RC3H1: variants seen among roughly 807,000 people sequenced by gnomAD.
The protein encoded by RC3H1 is roquin-1.
In RC3H1, 50 loss-of-function variants were observed where a neutral mutation model predicts 138.2. The ratio of observed to expected loss-of-function variants is 0.36; its 90% CI spans 0.29 to 0.46. The LOEUF (loss-of-function observed/expected upper bound fraction) is 0.46. Ranked by LOEUF, RC3H1 falls within the 20% of genes least tolerant of loss-of-function variation. RC3H1 has a pLI of 1.00. For synonymous variants in RC3H1, 462 were observed against 489.1 expected (o/e 0.94, Z 0.73); for missense variants, 1,031 against 1,388.1 (o/e 0.74, Z 4.09).
intron 1 of RC3H1, among the ~76,000 whole-genome samples, chr1:174,006,596 C>T (rs1157402525): frequency 2.0e-5 from 3 of 152,126 alleles, no homozygotes; most frequent in Non-Finnish European, 4.4e-5. Context: ...TTTTATTATA[C>T]TTTTTAATAA....
At chr1:173,959,296 T>C (rs968240709) in intron 13 of RC3H1, among the ~76,000 whole-genome samples, 2 of 152,204 alleles carry the variant, frequency 1.3e-5, no homozygotes, top group Non-Finnish European at 2.9e-5. Context: ...TTAATTTCTC[T>C]ATATTAATAA....
At chr1:174,003,382 C>G (rs1661594013) in intron 1 of RC3H1, among the ~76,000 whole-genome samples, 1 of 129,526 alleles carries the variant, frequency 7.7e-6, no homozygotes, top group Admixed American at 7.5e-5. Context: ...AGCAAGACTC[C>G]TATCACACAC....
At chr1:173,978,779 A>G (rs963318913) in intron 6 of RC3H1, among the ~76,000 whole-genome samples, 159 bp from the exon 7 acceptor site, 2 of 152,158 alleles carry the variant, frequency 1.3e-5, no homozygotes, top group Non-Finnish European at 2.9e-5. Flanking sequence ...TACCCAAATA[A>G]ATTCTGTACT....
At chr1:173,986,422 G>C (rs1044917949) in intron 2 of RC3H1, among the ~76,000 whole-genome samples, 1 of 152,162 alleles carries the variant, frequency 6.6e-6, no homozygotes, top group Admixed American at 6.6e-5. Context: ...CAGCATCTGG[G>C]CTCACGCCAC....
Position 173,943,541 on chromosome 1 carries a change from T to G in RC3H1, c.3036A>C (p.Pro1012=). The part of the protein sequence containing the change: ...LAGQSQPPPP[P]PPKWPGMISS... ...AGATCATCCCAGGCCATTTTGGAGG[T>G]GGCGGTGGTGGGGGCTGTGACTGGC... The change falls in exon 18 of 20, where the codon CCA becomes CCC. Residue 1012 remains proline, a synonymous_variant. Transcript: ENST00000367696. 1.9e-6 allele frequency: 3 copies of G among 1,614,086 alleles called. No individual in the cohort carries two copies. The East Asian group carries it at 6.7e-5, about 36-fold the overall frequency.
intron 2 of RC3H1, among the ~76,000 whole-genome samples, chr1:173,988,863 C>T (rs1054261122): frequency 2.0e-5 from 3 of 152,214 alleles, no homozygotes; most frequent in Non-Finnish European, 4.4e-5. Context: ...GGTGATTGTT[C>T]AGCTCTTTGT....
At chr1:174,010,699 A>G (rs961238964) in intron 1 of RC3H1, among the ~76,000 whole-genome samples, 2 of 150,398 alleles carry the variant, frequency 1.3e-5, no homozygotes, top group African/African-American at 5.0e-5. Flanking sequence ...CTGACCACAC[A>G]GCAACGGTTT....
intron 1 of RC3H1, among the ~76,000 whole-genome samples, chr1:173,996,286 T>TA (rs527481550): frequency 1.5e-4 from 21 of 144,304 alleles, no homozygotes; most frequent in South Asian, 4.4e-4. Context: ...ATACATTAAG[T>TA]AAAAAAAAAA....
chr1:173,961,315 C>A, intron 12 of RC3H1, 71 bp from the exon 13 acceptor site: 3 of 1,360,048 alleles, frequency 2.2e-6, no homozygotes, highest in Non-Finnish European at 3.1e-6. Flanking sequence ...ATATACTCAG[C>A]GTATATTTTA....
Position 173,952,975 on chromosome 1 carries a change from T to C in RC3H1, c.2371-837A>G, listed in dbSNP as rs147638655. On this transcript the variant is annotated intron_variant, in intron 13 of 19. Coordinates refer to ENST00000367696, the MANE Select transcript of RC3H1 (RefSeq NM_172071.4). Reference sequence around the variant, plus strand: ...ATTTTATCACAAGACATACATACACTGATATCTAGGGGTATCAGTGTTCAT... The same window carrying C: ...ATTTTATCACAAGACATACATACACCGATATCTAGGGGTATCAGTGTTCAT... Among the ~76,000 whole-genome samples the C allele has an allele frequency of 5.2e-3, 788 of 152,248 alleles. 8 individuals carry two copies. Among genetic ancestry groups the C allele is most frequent in the African/African-American group, 0.017 (703 of 41,548 alleles).
intron 1 of RC3H1, among the ~76,000 whole-genome samples, chr1:174,006,270 G>A (rs1302733150): frequency 6.6e-6 from 1 of 152,034 alleles, no homozygotes; most frequent in African/African-American, 2.4e-5. Context: ...GCTAAGGTTG[G>A]TCATCTTCAG....
intron 2 of RC3H1, among the ~76,000 whole-genome samples, chr1:173,985,395 T>C (rs1014693621): frequency 1.3e-5 from 2 of 152,252 alleles, no homozygotes; most frequent in East Asian, 3.8e-4. Context: ...TTTATATATC[T>C]ACCAGGAGTG....
chr1:173,944,559 A>G (rs896656157), intron 17 of RC3H1, among the ~76,000 whole-genome samples: 1 of 152,220 alleles, frequency 6.6e-6, no homozygotes, highest in Non-Finnish European at 1.5e-5. Context: ...CCTAGAACTT[A>G]AAGTATATAA....
intron 2 of RC3H1, among the ~76,000 whole-genome samples, chr1:173,990,578 AT>A (rs368844804): frequency 3.1e-4 from 45 of 144,068 alleles, no homozygotes; most frequent in Admixed American, 4.8e-4. Context: ...ATTATTATTT[AT>A]TTTTTTTTTT....
At chr1:173,996,145 T>C (rs943388389) in intron 1 of RC3H1, among the ~76,000 whole-genome samples, 1 of 151,966 alleles carries the variant, frequency 6.6e-6, no homozygotes, top group Non-Finnish European at 1.5e-5. Context: ...TCCCAGCTAC[T>C]CGGGAGGCTG....
At chr1:174,016,644 T>C (rs1189043637) in intron 1 of RC3H1, among the ~76,000 whole-genome samples, 1 of 151,502 alleles carries the variant, frequency 6.6e-6, no homozygotes, top group Non-Finnish European at 1.5e-5. Context: ...AATTTTAAAT[T>C]TTTTTTGTAC....
intron 14 of RC3H1, among the ~76,000 whole-genome samples, chr1:173,949,099 T>C (rs1659265600): frequency 7.7e-6 from 1 of 129,512 alleles, no homozygotes; most frequent in African/African-American, 2.9e-5. Flanking sequence ...TTTATTTTGC[T>C]TTTTCTTCCT....
At chr1:173,945,489 G>A (rs544550646) in intron 17 of RC3H1, among the ~76,000 whole-genome samples, 66 of 152,206 alleles carry the variant, frequency 4.3e-4, no homozygotes, top group African/African-American at 1.5e-3. Context: ...AAAGAACACT[G>A]AATCTGGAGT....
intron 17 of RC3H1, 63 bp from the exon 18 acceptor site, chr1:173,943,678 A>C: frequency 6.7e-7 from 1 of 1,489,200 alleles, no homozygotes; most frequent in Non-Finnish European, 9.0e-7. Flanking sequence ...CAGAATAACC[A>C]GGCTCAATTC....
Sources: allele counts gnomAD v4.1 joint callset (sites outside exome capture counted in the v4.1 genomes callset), GRCh38; gene constraint gnomAD v4.1.1; transcripts MANE v1.5; gene names NCBI Gene and HGNC (gene_info 2026-07-23, HGNC 2026-07-21).